PREX2: variants seen among roughly 807,000 people sequenced by gnomAD.
PREX2 encodes the protein phosphatidylinositol-3,4,5-trisphosphate dependent Rac exchange factor 2, also known as phosphatidylinositol 3,4,5-trisphosphate-dependent Rac exchanger 2 protein.
Under a neutral mutation model 203.2 loss-of-function variants are expected in PREX2, and 107 were observed. That is an observed-to-expected ratio of 0.53 (90% CI 0.45 to 0.62). The LOEUF (loss-of-function observed/expected upper bound fraction) is 0.62. PREX2 is among the 20% of genes least tolerant of loss of function. The pLI, the probability that PREX2 is intolerant of heterozygous loss-of-function variation, is 0.00. For missense variants in PREX2, 1,777 were observed against 1,955.9 expected, an observed-to-expected ratio of 0.91 and a Z score of 1.72; for synonymous variants, 672 against 663.6, an observed-to-expected ratio of 1.01 and a Z score of -0.19.
At chr8:68,208,185 A>T (rs185921634) in intron 37 of PREX2, among the ~76,000 whole-genome samples, 32 of 152,294 alleles carry the variant, frequency 2.1e-4, no homozygotes, top group Non-Finnish European at 4.0e-4. Flanking sequence ...GAGAGGAGAT[A>T]TTTGAGAGAT....
At chr8:67,954,654 C>T (rs1563468142) in intron 1 of PREX2, among the ~76,000 whole-genome samples, 1 of 151,980 alleles carries the variant, frequency 6.6e-6, no homozygotes, top group Non-Finnish European at 1.5e-5. Flanking sequence ...AAATTTGTTG[C>T]CAAAAATTGA....
intron 31 of PREX2, among the ~76,000 whole-genome samples, chr8:68,131,975 AAAGT>A (rs2129613356): frequency 6.6e-6 from 1 of 152,298 alleles, no homozygotes; most frequent in African/African-American, 2.4e-5. Flanking sequence ...TATGAAAAAC[AAAGT>A]AATAATTTTC....
chr8:68,069,746 G>C lies in PREX2; in HGVS notation c.1444-89G>C. 4.8e-6 allele frequency: 3 copies of C among 622,054 alleles called. No individual in the cohort carries two copies. The Admixed American group carries it at 7.0e-5, about 15-fold the overall frequency. 38.5% of individuals were successfully genotyped at this position (622,054 alleles called of 1,614,324 possible). A position where few individuals can be genotyped will look rare whatever the true frequency, so the allele number is the denominator to read the frequency against. On this transcript the variant is annotated intron_variant, in intron 12 of 39. Coordinates refer to ENST00000288368, the MANE Select transcript of PREX2 (RefSeq NM_024870.4). Reference sequence around the variant, plus strand: ...GATTTTGTGATGATTCTAAAATATTGACAGTGAATTAATTTGTTACTTCAA... The same window carrying C: ...GATTTTGTGATGATTCTAAAATATTCACAGTGAATTAATTTGTTACTTCAA...
intron 23 of PREX2, chr8:68,100,364 C>T (rs1225951210): frequency 2.8e-6 from 1 of 359,716 alleles, no homozygotes; most frequent in African/African-American, 2.1e-5. Flanking sequence ...TCTCTCCTCT[C>T]ATGGTGCTCA....
At chr8:67,956,609 T>G (rs970790972) in intron 1 of PREX2, among the ~76,000 whole-genome samples, 1 of 152,218 alleles carries the variant, frequency 6.6e-6, no homozygotes, top group African/African-American at 2.4e-5. Flanking sequence ...GCACTGGGCC[T>G]GGAAAATTGT....
chr8:68,146,877 T>G (rs1811338189), intron 34 of PREX2, among the ~76,000 whole-genome samples: 1 of 152,228 alleles, frequency 6.6e-6, no homozygotes, highest in South Asian at 2.1e-4. Context: ...TTTGTCATTT[T>G]GTTTTTTCCA....
chr8:68,063,067 C>T (rs914672585), intron 11 of PREX2, among the ~76,000 whole-genome samples: 9 of 152,078 alleles, frequency 5.9e-5, no homozygotes, highest in East Asian at 5.8e-4. Context: ...AAGCATTATA[C>T]GGCTGCTTTT....
chr8:67,963,618 T>C (rs1805692552), intron 1 of PREX2, among the ~76,000 whole-genome samples: 1 of 152,164 alleles, frequency 6.6e-6, no homozygotes, highest in Admixed American at 6.5e-5. Flanking sequence ...AAACTGCACT[T>C]TTTTGTTTTC....
chr8:68,173,790 G>A (rs1376561814), intron 35 of PREX2, among the ~76,000 whole-genome samples: 1 of 152,144 alleles, frequency 6.6e-6, no homozygotes, highest in African/African-American at 2.4e-5. Context: ...TCTTTGAAGA[G>A]AACCTCCTCT....
chr8:68,047,316 C>G (rs1268845504), intron 8 of PREX2, among the ~76,000 whole-genome samples: 1 of 151,592 alleles, frequency 6.6e-6, no homozygotes, highest in African/African-American at 2.4e-5. Context: ...CTCAGCAGAG[C>G]TGATTAATGT....
chr8:67,952,487 C>G lies in PREX2; in HGVS notation c.93C>G (p.Leu31=). Residue 31 remains leucine (L), a synonymous_variant, in exon 1 of 40, where the codon CTC becomes CTG. Transcript: ENST00000288368. ...LRLRVCVLSE[L]QKTERDYVGT... is the part of the protein sequence containing the mutation. The stretch of plus-strand genomic sequence containing the variant: ...TGCGCGTGTGCGTGCTCAGCGAGCT[C>G]CAGAAGACCGAGCGGGACTATGTGG... 1 of 1,608,554 alleles carries G rather than the reference C, an allele frequency of 6.2e-7. No homozygotes were observed. The highest frequency in any genetic ancestry group is 2.3e-5 in the East Asian group (1 of 44,440).
intron 39 of PREX2, 98 bp downstream of exon 39, chr8:68,224,724 G>A (rs940665): frequency 0.32 from 272,836 of 843,776 alleles, 47,188 homozygotes; most frequent in South Asian, 0.51. Context: ...GATGTGCCCC[G>A]TGTCGTACTG....
intron 10 of PREX2, among the ~76,000 whole-genome samples, chr8:68,058,641 G>A (rs562965385): frequency 6.6e-6 from 1 of 152,092 alleles, no homozygotes; most frequent in East Asian, 1.9e-4. Context: ...CACCATATTG[G>A]CCAGGCTAGT....
chr8:67,979,097 A>G (rs970449614), intron 1 of PREX2, among the ~76,000 whole-genome samples: 1 of 152,176 alleles, frequency 6.6e-6, no homozygotes, highest in Non-Finnish European at 1.5e-5. Flanking sequence ...AAAGAAAATC[A>G]CTTTGTTTCT....
At chr8:68,223,544 T>G (rs924866328) in intron 38 of PREX2, 1 of 152,216 alleles carries the variant, frequency 6.6e-6, no homozygotes, top group Non-Finnish European at 1.5e-5. Flanking sequence ...TTTTTTTCCT[T>G]CTTTTTATCT....
At chr8:68,121,072 A>C in intron 30 of PREX2, 23 bp downstream of exon 30, 1 of 1,610,124 alleles carries the variant, frequency 6.2e-7, no homozygotes. Context: ...AGCAAAGAAC[A>C]TTGCATGATA....
At chr8:67,976,704 G>A (rs536511617) in intron 1 of PREX2, among the ~76,000 whole-genome samples, 1 of 103,566 alleles carries the variant, frequency 9.7e-6, no homozygotes, top group African/African-American at 3.4e-5. Flanking sequence ...GAGAGAGAGA[G>A]ACGGGAGAGA....
intron 6 of PREX2, among the ~76,000 whole-genome samples, chr8:68,034,189 T>C (rs1807966703): frequency 6.6e-6 from 1 of 152,208 alleles, no homozygotes; most frequent in African/African-American, 2.4e-5. Context: ...TTATGCCTTT[T>C]ATTAGTATAA....
chr8:68,038,076 A>G (rs1246405937), intron 6 of PREX2, 83 bp from the exon 7 acceptor site: 24 of 1,421,884 alleles, frequency 1.7e-5, no homozygotes, highest in Non-Finnish European at 2.1e-5. Flanking sequence ...AATAAAAACA[A>G]CCATAATTGT....
Sources: gnomAD v4.1 joint callset for allele counts (sites outside exome capture counted in the v4.1 genomes callset) on GRCh38, gnomAD v4.1.1 for gene constraint, MANE v1.5 for transcripts, NCBI Gene and HGNC (gene_info 2026-07-23, HGNC 2026-07-21) for gene names.